The following SORCS3 variants were observed in gnomAD, a reference collection of about 807,000 sequenced individuals.
SORCS3 encodes VPS10 domain-containing receptor SorCS3.
In SORCS3, 57 loss-of-function variants were observed where a neutral mutation model predicts 146.3. The observed-to-expected ratio is 0.39, with a 90% CI of 0.31 to 0.49. SORCS3 has a LOEUF of 0.49. Among genes scored for constraint, SORCS3 ranks in the 20% least tolerant of loss-of-function variants. The pLI is 0.92. For missense variants in SORCS3, 1,341 were observed against 1,575.5 expected, an observed-to-expected ratio of 0.85 and a Z score of 2.52; for synonymous variants, 653 against 618.5, an observed-to-expected ratio of 1.06 and a Z score of -0.83.
intron 5 of SORCS3, among the ~76,000 whole-genome samples, chr10:105,083,155 A>G (rs1282531358): frequency 6.6e-6 from 1 of 152,196 alleles, no homozygotes; most frequent in Non-Finnish European, 1.5e-5. Flanking sequence ...GGAATACAGC[A>G]TACTCAAATA....
intron 5 of SORCS3, among the ~76,000 whole-genome samples, chr10:105,088,572 C>T (rs545072869): frequency 6.6e-6 from 1 of 152,112 alleles, no homozygotes; most frequent in Non-Finnish European, 1.5e-5. Flanking sequence ...CTAAAACATA[C>T]CACTTGCAGC....
chr10:104,975,402 A>G lies in SORCS3; in HGVS notation c.796-1933A>G, dbSNP rs543403197. On this transcript the variant is annotated intron_variant, in intron 3 of 26. Transcript: ENST00000369701. ...AGAACTACAAACCACTGCTCAATGA[A>G]ATAAAAGAGGATACAAAGAAATGGA... Among the ~76,000 whole-genome samples, 3 of 152,254 alleles carry G rather than the reference A, an allele frequency of 2.0e-5. No individual in the cohort carries two copies. The East Asian group carries it at 5.8e-4, about 29-fold the overall frequency.
At position 105,159,048 on chromosome 10, in the gene SORCS3, T is replaced by G. The variant is rs538773829; in HGVS notation, c.1732+54T>G. 5 of 1,337,628 alleles carry G rather than the reference T, an allele frequency of 3.7e-6. No individual in the cohort carries two copies. In the South Asian group the frequency reaches 6.2e-5, roughly 17 times the overall value. The allele number at this position is 1,337,628 out of a possible 1,614,324, so 82.9% of individuals were successfully genotyped here. A position where few individuals can be genotyped will look rare whatever the true frequency, so the allele number is the denominator to read the frequency against. On this transcript the variant is annotated intron_variant, in intron 11 of 26. Transcript: ENST00000369701. ...CTTACTGAGAGTGTCTAGAATAAATTTGTCACCTCTTTTTGGATCATGGAC... is the reference window on the plus strand; with the variant it reads ...CTTACTGAGAGTGTCTAGAATAAATGTGTCACCTCTTTTTGGATCATGGAC...
chr10:104,905,332 CTCT>C (rs1170671732), intron 2 of SORCS3, among the ~76,000 whole-genome samples: 2 of 152,052 alleles, frequency 1.3e-5, no homozygotes, highest in East Asian at 1.9e-4. Context: ...TGGGAATTTC[CTCT>C]TCTTCTTGCC....
chr10:104,830,752 G>A (rs909400815), intron 1 of SORCS3, among the ~76,000 whole-genome samples: 8 of 152,186 alleles, frequency 5.3e-5, no homozygotes, highest in African/African-American at 1.9e-4. Flanking sequence ...TATTGTGAGT[G>A]TTCTTTTCCA....
At chr10:104,814,095 G>A (rs1371902032) in intron 1 of SORCS3, among the ~76,000 whole-genome samples, 1 of 151,894 alleles carries the variant, frequency 6.6e-6, no homozygotes, top group Non-Finnish European at 1.5e-5. Context: ...TCTCTTACCT[G>A]AATAGCTTCT....
chr10:104,953,567 G>GCT (rs2019456276), intron 3 of SORCS3, among the ~76,000 whole-genome samples: 1 of 152,220 alleles, frequency 6.6e-6, no homozygotes, highest in South Asian at 2.1e-4. Context: ...GCATTTTCCA[G>GCT]GTGCCACCAT....
In SORCS3 at chr10:104,836,758, T is replaced by C. The variant is rs80149602; in HGVS notation, c.628-6034T>C. On this transcript the variant is annotated intron_variant, in intron 1 of 26. Coordinates refer to ENST00000369701, the MANE Select transcript of SORCS3 (RefSeq NM_014978.3). ...CCTTGGCACAGCCTTGCCGTGTCTC[T>C]GAGTGGATCCTGCGTATATCATGGT... 8.2e-3 allele frequency among the ~76,000 whole-genome samples: 1,242 copies of C among 152,234 alleles called. 18 individuals are homozygous for C. Among genetic ancestry groups the C allele is most frequent in the African/African-American group, 0.028 (1,181 of 41,524 alleles).
chr10:105,258,654 A>T (rs1178429733), intron 25 of SORCS3, among the ~76,000 whole-genome samples: 1 of 152,152 alleles, frequency 6.6e-6, no homozygotes, highest in East Asian at 1.9e-4. Flanking sequence ...TTTTCTTTTT[A>T]TAAATGCTGT....
At chr10:105,009,527 CAAAAA>C (rs35368294) in intron 4 of SORCS3, among the ~76,000 whole-genome samples, 15,411 of 107,280 alleles carry the variant, frequency 0.14, 1,244 homozygotes, top group Middle Eastern at 0.27. Context: ...AACAAACAAA[CAAAAA>C]AAAAAAAAAA....
chr10:105,031,062 AG>A (rs2055263195), intron 4 of SORCS3, among the ~76,000 whole-genome samples: 1 of 151,036 alleles, frequency 6.6e-6, no homozygotes, highest in Admixed American at 6.6e-5. Flanking sequence ...TGGGAGGCCG[AG>A]GTGGGCGGAT....
chr10:104,771,225 G>T (rs185230128), intron 1 of SORCS3, among the ~76,000 whole-genome samples: 1 of 152,212 alleles, frequency 6.6e-6, no homozygotes, highest in African/African-American at 2.4e-5. Context: ...CAGAATTTGC[G>T]TTTAGCACTA....
intron 2 of SORCS3, among the ~76,000 whole-genome samples, chr10:104,845,492 C>T (rs1001715637): frequency 2.0e-5 from 3 of 152,190 alleles, no homozygotes; most frequent in African/African-American, 7.2e-5. Flanking sequence ...GAAGTGCTTA[C>T]TTAACTGTAA....
intron 25 of SORCS3, among the ~76,000 whole-genome samples, chr10:105,261,351 A>G (rs1440200192): frequency 6.6e-6 from 1 of 152,170 alleles, no homozygotes; most frequent in Non-Finnish European, 1.5e-5. Context: ...CTAAGTCCCC[A>G]AGATGTTGAA....
intron 3 of SORCS3, among the ~76,000 whole-genome samples, chr10:104,955,367 T>C (rs1005967281): frequency 6.6e-6 from 1 of 151,608 alleles, no homozygotes; most frequent in African/African-American, 2.4e-5. Context: ...TTTCTTTATA[T>C]GGCTGAAAAT....
chr10:105,198,280 C>T (rs1457296656), intron 14 of SORCS3, among the ~76,000 whole-genome samples: 2 of 152,136 alleles, frequency 1.3e-5, no homozygotes, highest in African/African-American at 4.8e-5. Flanking sequence ...ACATCCTGCA[C>T]TAGTAAGTCT....
chr10:104,766,279 G>A (rs1310684683), intron 1 of SORCS3, among the ~76,000 whole-genome samples: 1 of 152,196 alleles, frequency 6.6e-6, no homozygotes, highest in East Asian at 1.9e-4. Context: ...AGTGATTGAG[G>A]AGAGTCTTGG....
intron 4 of SORCS3, among the ~76,000 whole-genome samples, chr10:105,037,815 C>G (rs1289296663): frequency 6.6e-6 from 1 of 152,150 alleles, no homozygotes; most frequent in Non-Finnish European, 1.5e-5. Context: ...CATAACAATG[C>G]CTGTGACTCT....
At chr10:104,855,168 C>T (rs546200286) in intron 2 of SORCS3, among the ~76,000 whole-genome samples, 1 of 152,138 alleles carries the variant, frequency 6.6e-6, no homozygotes, top group Non-Finnish European at 1.5e-5. Context: ...TTTTGCTGTC[C>T]ATTCTGTTGC....
Sources: allele counts gnomAD v4.1 joint callset (sites outside exome capture counted in the v4.1 genomes callset), GRCh38; gene constraint gnomAD v4.1.1; transcripts MANE v1.5; gene names NCBI Gene and HGNC (gene_info 2026-07-23, HGNC 2026-07-21).